ANPEP: variants seen among roughly 807,000 people sequenced by gnomAD.
The protein encoded by ANPEP is alanyl aminopeptidase, membrane.
In ANPEP, 70 loss-of-function variants were observed where a neutral mutation model predicts 114.6. The observed-to-expected ratio is 0.61, with a 90% CI of 0.50 to 0.75. The LOEUF is 0.75. ANPEP is among the 30% of genes least tolerant of loss of function. The pLI is 0.00. For missense variants in ANPEP, 1,184 were observed against 1,259.5 expected (o/e 0.94, Z 0.91); for synonymous variants, 548 against 522.3 (o/e 1.05, Z -0.67).
intron 16 of ANPEP, 21 bp from the exon 17 acceptor site, chr15:89,792,583 G>C (rs573101625): frequency 6.2e-6 from 10 of 1,604,254 alleles, no homozygotes; most frequent in Admixed American, 1.7e-5. Context: ...GGTGACACGC[G>C]GTTAGCACAC....
Position 89,805,187 on chromosome 15 carries a change from T to A in ANPEP, c.788A>T (p.Asn263Ile). Residue 263 changes from asparagine (N) to isoleucine (I), a missense_variant, in exon 4 of 21, where the codon AAC becomes ATC. Transcript: ENST00000300060. ...GGTGTGGAACTCAGTGACATTCCAG[T>A]TGGGGTCTTCTGGAAGTGGGGTGCT... is the stretch of plus-strand genomic sequence containing the variant. ...GPSTPLPEDP[N>I]WNVTEFHTTP... 3 of 1,614,104 alleles carry A rather than the reference T, an allele frequency of 1.9e-6. No homozygotes were observed. Among genetic ancestry groups the A allele is most frequent in the Non-Finnish European group, 2.5e-6 (3 of 1,180,008 alleles).
intron 1 of ANPEP, among the ~76,000 whole-genome samples, chr15:89,811,502 C>T (rs547921297): frequency 9.2e-5 from 14 of 151,778 alleles, no homozygotes; most frequent in South Asian, 6.2e-4. Flanking sequence ...AAAAATTAGC[C>T]GGGCGTGGTG....
chr15:89,806,594 G>A lies in ANPEP; in HGVS notation c.-11C>T, dbSNP rs772628006. The A allele has an allele frequency of 4.4e-6, 7 of 1,576,490 alleles. No individual in the cohort carries two copies. The East Asian group carries it at 1.6e-4, about 36-fold the overall frequency. On this transcript the variant is annotated 5_prime_UTR_variant, in exon 2 of 21. Transcript: ENST00000300060. This position sits in a 1 kb window ranked among gnomAD's most constrained non-coding sequence, Gnocchi z 5.7. ...GAAGCCCTTGGCCATGGTGATGGTG[G>A]GGAGGCGGCTCAGGGAGCCTCAGGC...
chr15:89,807,289 A>G (rs1011836303), intron 1 of ANPEP, among the ~76,000 whole-genome samples: 1 of 152,268 alleles, frequency 6.6e-6, no homozygotes, highest in African/African-American at 2.4e-5. Flanking sequence ...GACCTTGAGC[A>G]GGTAACTTTA....
intron 15 of ANPEP, among the ~76,000 whole-genome samples, chr15:89,796,664 T>TA (rs1465109956): frequency 7.7e-6 from 1 of 130,328 alleles, no homozygotes; most frequent in African/African-American, 2.7e-5. Flanking sequence ...ATTTTTTGTA[T>TA]TTTTTTTTTT....
chr15:89,807,676 G>A (rs1490557545), intron 1 of ANPEP, among the ~76,000 whole-genome samples: 1 of 152,198 alleles, frequency 6.6e-6, no homozygotes, highest in Non-Finnish European at 1.5e-5. Context: ...ACTCCAGCCT[G>A]GGTGACAGAG....
At chr15:89,792,023 GTT>G in intron 18 of ANPEP, 135 bp downstream of exon 18, 1 of 1,056,474 alleles carries the variant, frequency 9.5e-7, no homozygotes, top group Non-Finnish European at 1.3e-6. Flanking sequence ...GTCTGCACCG[GTT>G]ACTTTGGAAA....
chr15:89,803,290 G>A lies in ANPEP; in HGVS notation c.1518C>T (p.Thr506=). 1.2e-6 allele frequency: 2 copies of A among 1,614,136 alleles called. No homozygotes were observed. The highest frequency in any genetic ancestry group is 1.7e-6 in the Non-Finnish European group (2 of 1,179,980). ...FKQGLASYLH[T]FAYQNTIYLN... ...GGTAGATGGTGTTCTGGTAGGCAAA[G>A]GTGTGGAGGTAGGACTGTGGAAAGA... is the stretch of plus-strand genomic sequence containing the variant. Residue 506 remains threonine (T), a synonymous_variant, in exon 10 of 21, where the codon ACC becomes ACT. Coordinates refer to ENST00000300060, the MANE Select transcript of ANPEP (RefSeq NM_001150.3). The surrounding 1 kb of genome is among the most constrained non-coding windows in gnomAD (Gnocchi z 4.2).
At chr15:89,789,484 C>T (rs1311430964) in intron 20 of ANPEP, among the ~76,000 whole-genome samples, 1 of 151,754 alleles carries the variant, frequency 6.6e-6, no homozygotes. Flanking sequence ...TTTAAGAATC[C>T]CTTTATTGCT....
At chr15:89,797,410 G>C (rs1433837620) in intron 15 of ANPEP, 165 bp downstream of exon 15, 30 of 1,057,238 alleles carry the variant, frequency 2.8e-5, no homozygotes, top group Non-Finnish European at 4.0e-5. Context: ...GTGCTCTCAG[G>C]AGAGAACCTG....
chr15:89,802,434 TG>T (rs1185883520), intron 10 of ANPEP: 1 of 152,424 alleles, frequency 6.6e-6, no homozygotes, highest in East Asian at 1.9e-4. Flanking sequence ...GACAAGATCC[TG>T]GGTCTCGCTT....
chr15:89,801,625 G>C lies in ANPEP; in HGVS notation c.1570-18C>G. Reference sequence around the variant, plus strand: ...TTCACAGCCTGTGGGTGGAGCGAGAGGGCGTGGCCATCAGTGGGACCCTCC... The same window carrying C: ...TTCACAGCCTGTGGGTGGAGCGAGACGGCGTGGCCATCAGTGGGACCCTCC... On this transcript the variant is annotated intron_variant, in intron 10 of 20. Transcript: ENST00000300060. The C allele has an allele frequency of 6.2e-7, 1 of 1,609,828 alleles. No individual in the cohort carries two copies. The highest frequency in any genetic ancestry group is 1.3e-5 in the African/African-American group (1 of 74,964).
chr15:89,798,463 C>T (rs1290550337), intron 14 of ANPEP, among the ~76,000 whole-genome samples: 1 of 152,024 alleles, frequency 6.6e-6, no homozygotes, highest in Non-Finnish European at 1.5e-5. Context: ...ATGGTGAAAC[C>T]CCATCTGTAC....
intron 1 of ANPEP, among the ~76,000 whole-genome samples, chr15:89,808,817 A>G (rs1894769628): frequency 6.6e-6 from 1 of 152,176 alleles, no homozygotes; most frequent in African/African-American, 2.4e-5. Context: ...AATAAATGCA[A>G]TGTGTGAACT....
chr15:89,805,287 C>A (rs368445275), intron 3 of ANPEP, 34 bp downstream of exon 3: 13 of 1,613,090 alleles, frequency 8.1e-6, no homozygotes, highest in Middle Eastern at 3.3e-4. Flanking sequence ...GTGCCTGCCC[C>A]CTGGCCCTGT....
chr15:89,787,552 T>C (rs992978911), intron 20 of ANPEP, among the ~76,000 whole-genome samples: 3 of 152,210 alleles, frequency 2.0e-5, no homozygotes, highest in African/African-American at 7.2e-5. Context: ...AAAGACCTAT[T>C]AAGTGAGTGA....
intron 11 of ANPEP, 71 bp from the exon 12 acceptor site, chr15:89,801,258 G>T: frequency 1.3e-6 from 2 of 1,573,262 alleles, no homozygotes; most frequent in Non-Finnish European, 1.7e-6. Flanking sequence ...AGCTGCCCAG[G>T]CTCCCAGCTT....
intron 1 of ANPEP, among the ~76,000 whole-genome samples, chr15:89,807,434 C>T (rs534296657): frequency 6.6e-6 from 1 of 152,338 alleles, no homozygotes; most frequent in South Asian, 2.1e-4. Context: ...GGCGTGGTGG[C>T]TCACGCCTGT....
At chr15:89,794,818 C>A (rs527418482) in intron 15 of ANPEP, among the ~76,000 whole-genome samples, 1 of 152,310 alleles carries the variant, frequency 6.6e-6, no homozygotes, top group South Asian at 2.1e-4. Context: ...GTACTACCAG[C>A]CTCATTGCAC....
Sources: allele counts gnomAD v4.1 joint callset (sites outside exome capture counted in the v4.1 genomes callset), GRCh38; gene constraint gnomAD v4.1.1; non-coding constraint Gnocchi (gnomAD v3.1); transcripts MANE v1.5; gene names NCBI Gene and HGNC (gene_info 2026-07-23, HGNC 2026-07-21).